PPP1R9A: variants seen among roughly 807,000 people sequenced by gnomAD.
PPP1R9A encodes neurabin-1.
A neutral mutation model predicts 141.9 loss-of-function variants in PPP1R9A; 59 were observed. That is an observed-to-expected ratio of 0.42 (90% CI 0.34 to 0.52). The LOEUF (loss-of-function observed/expected upper bound fraction) is 0.52, where lower values mean the gene tolerates loss of function less well. PPP1R9A is among the 20% of genes least tolerant of loss of function. PPP1R9A has a pLI of 0.10. For missense variants in PPP1R9A, 1,444 were observed against 1,611.9 expected (o/e 0.90, Z 1.78); for synonymous variants, 500 against 569.7 (o/e 0.88, Z 1.74).
chr7:95,190,648 C>T (rs796900095), intron 5 of PPP1R9A, among the ~76,000 whole-genome samples: 2 of 152,344 alleles, frequency 1.3e-5, no homozygotes, highest in African/African-American at 2.4e-5. Context: ...CTAAGTTGGT[C>T]GGCCTCCATC....
intron 2 of PPP1R9A, among the ~76,000 whole-genome samples, chr7:94,988,432 T>G (rs569602424): frequency 3.1e-4 from 47 of 152,216 alleles, no homozygotes; most frequent in Non-Finnish European, 5.7e-4. Context: ...AAGTTTTTTT[T>G]GTTTTAGTAA....
rs368481373 is a variant in PPP1R9A, at chr7:95,284,607, A to C, written c.3609+277A>C. ...TATTTCACTGTGCTTCTCAAGATTT[A>C]CTGAAAAGCAAATAAATTTGGGACT... On this transcript the variant is annotated intron_variant, in intron 17 of 19. Transcript: ENST00000433360. 4.5e-4 allele frequency among the ~76,000 whole-genome samples: 69 copies of C among 152,352 alleles called. No individual in the cohort carries two copies. The South Asian group carries it at 5.0e-3, about 11-fold the overall frequency.
At chr7:95,218,018 G>A (rs908210886) in intron 7 of PPP1R9A, among the ~76,000 whole-genome samples, 13 of 152,100 alleles carry the variant, frequency 8.5e-5, no homozygotes, top group African/African-American at 2.7e-4. Flanking sequence ...GCTAGCTTTT[G>A]AATGTGTTTG....
At chr7:95,081,209 G>A (rs1240959653) in intron 2 of PPP1R9A, among the ~76,000 whole-genome samples, 1 of 152,050 alleles carries the variant, frequency 6.6e-6, no homozygotes, top group Non-Finnish European at 1.5e-5. Context: ...CAGTAACAGG[G>A]TAAAATTCAC....
chr7:94,908,388 G>A (rs1375852114), intron 1 of PPP1R9A: 1 of 152,108 alleles, frequency 6.6e-6, no homozygotes, highest in African/African-American at 2.4e-5. Context: ...ATGTGGCCAG[G>A]GAGCTCGTCT....
chr7:94,949,296 C>G (rs2151013927), intron 2 of PPP1R9A, among the ~76,000 whole-genome samples: 1 of 152,198 alleles, frequency 6.6e-6, no homozygotes, highest in African/African-American at 2.4e-5. Context: ...TCTACACTCA[C>G]AGATTTCCAC....
intron 5 of PPP1R9A, among the ~76,000 whole-genome samples, chr7:95,173,893 TG>T (rs1334120338): frequency 6.6e-6 from 1 of 152,108 alleles, no homozygotes; most frequent in African/African-American, 2.4e-5. Flanking sequence ...GCATATGGAC[TG>T]AGGTTCACAT....
At chr7:95,057,910 G>A (rs1811710156) in intron 2 of PPP1R9A, among the ~76,000 whole-genome samples, 1 of 152,148 alleles carries the variant, frequency 6.6e-6, no homozygotes, top group Non-Finnish European at 1.5e-5. Flanking sequence ...ATGGGTAATA[G>A]ATCAGGAATT....
At chr7:95,190,795 A>T (rs959006902) in intron 5 of PPP1R9A, among the ~76,000 whole-genome samples, 3 of 152,180 alleles carry the variant, frequency 2.0e-5, no homozygotes, top group Admixed American at 6.5e-5. Context: ...TTCCTGGATT[A>T]AAAGTCCACA....
rs1461427867 is a variant in PPP1R9A at position 95,072,401 on chromosome 7, CAG to C, written c.1396-38857_1396-38856del. On this transcript the variant is annotated intron_variant, in intron 2 of 19. Coordinates refer to ENST00000433360, the MANE Select transcript of PPP1R9A (RefSeq NM_001166160.2). ...GAATATCAAGGGGAAAAAGAGGAGA[CAG>C]GGACATTTATTTATGATTCATCTCA... Among the ~76,000 whole-genome samples the C allele has an allele frequency of 4.9e-5, 7 of 143,054 alleles. No homozygotes were observed. In the East Asian group the frequency reaches 1.0e-3, roughly 20 times the overall value. 93.8% of individuals were successfully genotyped at this position (143,054 alleles called of 152,430 possible). A position where few individuals can be genotyped will look rare whatever the true frequency, so the allele number is the denominator to read the frequency against.
intron 2 of PPP1R9A, among the ~76,000 whole-genome samples, chr7:94,966,506 A>G (rs751965157): frequency 2.0e-5 from 3 of 152,030 alleles, no homozygotes; most frequent in Non-Finnish European, 4.4e-5. Flanking sequence ...TGCTTAGTTT[A>G]CTGAATTTTT....
chr7:95,287,871 A>G (rs558158276), intron 18 of PPP1R9A, among the ~76,000 whole-genome samples: 1 of 152,246 alleles, frequency 6.6e-6, no homozygotes, highest in East Asian at 1.9e-4. Context: ...TATTTTTAGT[A>G]GAGAGGGGAT....
At chr7:95,125,796 T>C (rs1282882393) in intron 4 of PPP1R9A, among the ~76,000 whole-genome samples, 3 of 152,208 alleles carry the variant, frequency 2.0e-5, no homozygotes, top group African/African-American at 7.2e-5. Flanking sequence ...TAGTTTATCC[T>C]CATTCAAGTT....
chr7:94,976,589 C>T (rs919297071), intron 2 of PPP1R9A, among the ~76,000 whole-genome samples: 1 of 152,152 alleles, frequency 6.6e-6, no homozygotes, highest in African/African-American at 2.4e-5. Flanking sequence ...ATCCACCTAT[C>T]TCAGCCTAAC....
At chr7:95,204,419 A>C (rs1790251070) in intron 7 of PPP1R9A, among the ~76,000 whole-genome samples, 1 of 152,128 alleles carries the variant, frequency 6.6e-6, no homozygotes, top group South Asian at 2.1e-4. Flanking sequence ...ACAGACTCCA[A>C]TTTGGTCTAA....
intron 5 of PPP1R9A, among the ~76,000 whole-genome samples, chr7:95,197,811 G>T (rs1161132234): frequency 2.0e-5 from 3 of 152,024 alleles, no homozygotes; most frequent in Non-Finnish European, 4.4e-5. Context: ...ACCACGCCCG[G>T]CTAATTTTTG....
chr7:95,052,916 G>T (rs1004376235), intron 2 of PPP1R9A, among the ~76,000 whole-genome samples: 2 of 152,088 alleles, frequency 1.3e-5, no homozygotes, highest in African/African-American at 2.4e-5. Context: ...TTGTCGTTGT[G>T]TCTGCTCTAT....
intron 4 of PPP1R9A, among the ~76,000 whole-genome samples, chr7:95,157,304 G>T (rs1468260614): frequency 2.0e-5 from 3 of 152,074 alleles, no homozygotes; most frequent in Admixed American, 6.6e-5. Context: ...CCGCAATATG[G>T]GCTGCTCCCT....
intron 7 of PPP1R9A, among the ~76,000 whole-genome samples, chr7:95,218,809 T>TC (rs763347696): frequency 3.9e-5 from 6 of 152,360 alleles, no homozygotes; most frequent in Middle Eastern, 3.4e-3. Flanking sequence ...TTTTTTGTTT[T>TC]CCTTTTGCTT....
Sources: gnomAD v4.1 joint callset for allele counts (sites outside exome capture counted in the v4.1 genomes callset) on GRCh38, gnomAD v4.1.1 for gene constraint, MANE v1.5 for transcripts, NCBI Gene and HGNC (gene_info 2026-07-23, HGNC 2026-07-21) for gene names.